SLC22A3: variants seen among roughly 807,000 people sequenced by gnomAD.
The protein encoded by SLC22A3 is solute carrier family 22 member 3, also known as EMT organic cation transporter 3.
In SLC22A3, 51 loss-of-function variants were observed where a neutral mutation model predicts 59.1. The ratio of observed to expected loss-of-function variants is 0.86; its 90% confidence interval spans 0.69 to 1.09. SLC22A3 has a LOEUF of 1.09. SLC22A3 is among the 50% of genes least tolerant of loss of function. The probability of loss-of-function intolerance (pLI) is 0.00; values close to 1 mark genes in which losing one functional copy is unlikely to be tolerated. For synonymous variants in SLC22A3, 325 were observed against 292.0 expected (o/e 1.11, Z -1.15); for missense variants, 711 against 726.3 (o/e 0.98, Z 0.24).
chr6:160,448,154 T>C (rs1469982598), intron 10 of SLC22A3, among the ~76,000 whole-genome samples: 1 of 152,104 alleles, frequency 6.6e-6, no homozygotes, highest in Non-Finnish European at 1.5e-5. Context: ...GGATTAACAG[T>C]GTGGCTTACT....
chr6:160,381,950 ATTAT>A (rs1217759669), intron 1 of SLC22A3, among the ~76,000 whole-genome samples: 1 of 152,188 alleles, frequency 6.6e-6, no homozygotes, highest in Non-Finnish European at 1.5e-5. Flanking sequence ...AATGGTAGGA[ATTAT>A]TTAGTCTTCT....
intron 7 of SLC22A3, among the ~76,000 whole-genome samples, chr6:160,442,422 C>G (rs1259188976): frequency 6.6e-6 from 1 of 152,188 alleles, no homozygotes. Flanking sequence ...GAAACTACCA[C>G]CTGGACAAAA....
intron 4 of SLC22A3, 99 bp downstream of exon 4, chr6:160,409,020 T>TTTC (rs1787139936): frequency 9.8e-7 from 1 of 1,024,156 alleles, no homozygotes; most frequent in Admixed American, 2.7e-5. Context: ...ATTTTCTTTT[T>TTTC]TTTTTTTTTT....
intron 1 of SLC22A3, among the ~76,000 whole-genome samples, chr6:160,388,800 A>G (rs1273731703): frequency 6.6e-6 from 1 of 152,216 alleles, no homozygotes; most frequent in East Asian, 1.9e-4. Context: ...GCTAACAGCA[A>G]TTATCTGCAA....
intron 1 of SLC22A3, among the ~76,000 whole-genome samples, chr6:160,390,271 A>G (rs1562480620): frequency 6.6e-6 from 1 of 152,064 alleles, no homozygotes. Flanking sequence ...GGGAAGGAAG[A>G]GGGGGGAAAG....
chr6:160,408,927 G>A lies in SLC22A3; in HGVS notation c.857+6G>A. ...CTCTTCCTCCTTTATTACTGGTAAT[G>A]TGGTTTTGGTTATCATCATATTTAT... On this transcript the variant is annotated splice_donor_region_variant and intron_variant, in intron 4 of 10. Coordinates refer to ENST00000275300, the MANE Select transcript of SLC22A3 (RefSeq NM_021977.4). The A allele has an allele frequency of 1.2e-6, 2 of 1,611,574 alleles. No homozygotes were observed. Among genetic ancestry groups the A allele is most frequent in the South Asian group, 1.1e-5 (1 of 91,044 alleles).
At chr6:160,446,265 C>T (rs117788241) in intron 9 of SLC22A3, among the ~76,000 whole-genome samples, 1 of 152,308 alleles carries the variant, frequency 6.6e-6, no homozygotes, top group East Asian at 1.9e-4. Flanking sequence ...GGAGGGCAGG[C>T]AGAGGCAGGA....
Position 160,445,527 on chromosome 6 carries a change from A to AC in SLC22A3, c.1510+1791dup, listed in dbSNP as rs1273507206. On this transcript the variant is annotated intron_variant, in intron 9 of 10. Coordinates refer to ENST00000275300, the MANE Select transcript of SLC22A3 (RefSeq NM_021977.4). The stretch of plus-strand genomic sequence containing the variant: ...ACAGATATGCAAGTGGGTTGGAAGG[A>AC]CCCCCCAGCATCGTCCCTCTGATGG... 4.0e-5 allele frequency among the ~76,000 whole-genome samples: 6 copies of AC among 151,646 alleles called. No individual in the cohort carries two copies. The East Asian group carries it at 9.7e-4, about 25-fold the overall frequency.
chr6:160,402,841 T>A (rs1215106713), intron 2 of SLC22A3, among the ~76,000 whole-genome samples: 2 of 151,356 alleles, frequency 1.3e-5, no homozygotes, highest in African/African-American at 4.8e-5. Flanking sequence ...AAAAGTATAG[T>A]AAACAAAATG....
intron 1 of SLC22A3, among the ~76,000 whole-genome samples, chr6:160,360,467 G>A (rs1784978337): frequency 6.6e-6 from 1 of 152,224 alleles, no homozygotes; most frequent in Admixed American, 6.5e-5. Flanking sequence ...TTAAAAAAAG[G>A]ATATATACAA....
intron 5 of SLC22A3, among the ~76,000 whole-genome samples, chr6:160,419,184 A>C (rs1348457501): frequency 6.6e-6 from 1 of 152,132 alleles, no homozygotes; most frequent in East Asian, 1.9e-4. Flanking sequence ...TTATTACCTT[A>C]GTTGTCAGGG....
intron 1 of SLC22A3, among the ~76,000 whole-genome samples, chr6:160,357,912 T>A (rs1013523572): frequency 1.2e-4 from 19 of 152,352 alleles, no homozygotes; most frequent in Admixed American, 2.6e-4. Context: ...GTGACAAATT[T>A]ATCACATCTC....
At chr6:160,435,411 T>C (rs539527296) in intron 5 of SLC22A3, among the ~76,000 whole-genome samples, 1 of 152,314 alleles carries the variant, frequency 6.6e-6, no homozygotes, top group South Asian at 2.1e-4. Flanking sequence ...TGTTAAAATG[T>C]AGAAAACCAA....
rs918005929 is a variant in SLC22A3 at position 160,415,618 on chromosome 6, A to G, written c.975+4772A>G. Among the ~76,000 whole-genome samples the G allele has an allele frequency of 2.6e-5, 4 of 152,216 alleles. No individual in the cohort carries two copies. The highest frequency in any genetic ancestry group is 4.8e-5 in the African/African-American group (2 of 41,454). On this transcript the variant is annotated intron_variant, in intron 5 of 10. Coordinates refer to ENST00000275300, the MANE Select transcript of SLC22A3 (RefSeq NM_021977.4). The surrounding 1 kb of genome is among the most constrained non-coding windows in gnomAD (Gnocchi z 4.1). ...TCTTCAGTAACTTCTGACTTTTAGA[A>G]GACGTTATCACTGTGTAAATGACCT...
At position 160,447,741 on chromosome 6, in the gene SLC22A3, T is replaced by A. The variant is rs1217420639; in HGVS notation, c.1533T>A (p.Gly511=). The A allele has an allele frequency of 6.2e-7, 1 of 1,614,064 alleles. No homozygotes were observed. Among genetic ancestry groups the A allele is most frequent in the Non-Finnish European group, 8.5e-7 (1 of 1,179,988 alleles). The change falls in exon 10 of 11, where the codon GGT becomes GGA. Residue 511 remains glycine, a synonymous_variant. Transcript: ENST00000275300. The part of the protein sequence containing the change: ...IIFGILASIC[G]GLVMLLPETK... ...TAGGTATCCTGGCATCCATCTGTGG[T>A]GGCCTTGTGATGCTTTTGCCTGAAA...
intron 10 of SLC22A3, among the ~76,000 whole-genome samples, chr6:160,448,796 G>T (rs898075681): frequency 6.6e-6 from 1 of 152,168 alleles, no homozygotes; most frequent in Non-Finnish European, 1.5e-5. Context: ...GCTGGGAAGA[G>T]GGGTAGGGAA....
At chr6:160,422,906 T>C (rs1787799680) in intron 5 of SLC22A3, among the ~76,000 whole-genome samples, 1 of 152,160 alleles carries the variant, frequency 6.6e-6, no homozygotes, top group Non-Finnish European at 1.5e-5. Context: ...TATGTATACA[T>C]GTGCCATGTT....
Position 160,446,565 on chromosome 6 carries a change from C to T in SLC22A3, c.1511-1154C>T, listed in dbSNP as rs139895759. Among the ~76,000 whole-genome samples the T allele has an allele frequency of 5.0e-4, 76 of 152,210 alleles. No homozygotes were observed. In the East Asian group the frequency reaches 0.014, roughly 28 times the overall value. ...TCTCATGGGAACTCACTCACTATCACGAGAACAGCATGGGGAAACCTCCCC... is the reference window on the plus strand; with the variant it reads ...TCTCATGGGAACTCACTCACTATCATGAGAACAGCATGGGGAAACCTCCCC... On this transcript the variant is annotated intron_variant, in intron 9 of 10. Coordinates refer to ENST00000275300, the MANE Select transcript of SLC22A3 (RefSeq NM_021977.4).
chr6:160,427,221 C>T (rs895919795), intron 5 of SLC22A3, among the ~76,000 whole-genome samples: 7 of 152,134 alleles, frequency 4.6e-5, no homozygotes, highest in East Asian at 3.9e-4. Context: ...GCCAAGAAAA[C>T]GTGCAGGAAA....
Sources: allele counts gnomAD v4.1 joint callset (sites outside exome capture counted in the v4.1 genomes callset), GRCh38; gene constraint gnomAD v4.1.1; non-coding constraint Gnocchi (gnomAD v3.1); transcripts MANE v1.5; gene names NCBI Gene and HGNC (gene_info 2026-07-23, HGNC 2026-07-21).